Variants in SDK1 observed in about 807,000 individuals in gnomAD.
SDK1 encodes the protein sidekick cell adhesion molecule 1.
A neutral mutation model predicts 245.5 loss-of-function variants in SDK1; 157 were observed. The observed-to-expected ratio is 0.64, with a 90% CI of 0.56 to 0.73. The LOEUF (loss-of-function observed/expected upper bound fraction) is 0.73. SDK1 is among the 30% of genes least tolerant of loss of function. The pLI, the probability that SDK1 is intolerant of heterozygous loss-of-function variation, is 0.00. For synonymous variants in SDK1, 1,647 were observed against 1,278.5 expected (o/e 1.29, Z -6.15); for missense variants, 3,583 against 3,002.3 (o/e 1.19, Z -4.52).
chr7:4,193,014 A>G (rs1783299152), intron 35 of SDK1, among the ~76,000 whole-genome samples: 1 of 144,226 alleles, frequency 6.9e-6, no homozygotes, highest in South Asian at 2.1e-4. Flanking sequence ...TATAATATAT[A>G]AAAATATATA....
intron 17 of SDK1, among the ~76,000 whole-genome samples, chr7:4,043,364 G>T (rs1788784450): frequency 6.6e-6 from 1 of 151,010 alleles, no homozygotes; most frequent in Non-Finnish European, 1.5e-5. Flanking sequence ...AGGGACCCAG[G>T]CAGAGTGAGT....
chr7:4,176,465 A>G (rs1324866151), intron 34 of SDK1, among the ~76,000 whole-genome samples: 3 of 152,134 alleles, frequency 2.0e-5, no homozygotes, highest in African/African-American at 4.8e-5. Flanking sequence ...CACTGCACCC[A>G]GCCTTTCTTT....
At chr7:3,883,500 C>A (rs1781256908) in intron 5 of SDK1, among the ~76,000 whole-genome samples, 1 of 152,270 alleles carries the variant, frequency 6.6e-6, no homozygotes, top group Non-Finnish European at 1.5e-5. Flanking sequence ...CCTAAAAAAT[C>A]ACGTCGTTGC....
At chr7:4,079,260 C>T (rs111977841) in intron 21 of SDK1, among the ~76,000 whole-genome samples, 48 of 152,350 alleles carry the variant, frequency 3.2e-4, no homozygotes, top group African/African-American at 1.0e-3. Flanking sequence ...CCCACTGGGT[C>T]ACCCCATTAA....
chr7:4,093,226 G>A (rs767766407), intron 22 of SDK1, among the ~76,000 whole-genome samples: 7 of 151,954 alleles, frequency 4.6e-5, no homozygotes, highest in Non-Finnish European at 8.8e-5. Flanking sequence ...TTTTTATGGT[G>A]CACCATAAAA....
chr7:4,159,042 C>T (rs554528680), intron 31 of SDK1, among the ~76,000 whole-genome samples: 11 of 152,286 alleles, frequency 7.2e-5, no homozygotes, highest in Admixed American at 2.0e-4. Context: ...TGTGGCGAGC[C>T]CAGGAGGCAG....
chr7:3,854,960 C>T, intron 5 of SDK1, among the ~76,000 whole-genome samples: 1 of 152,204 alleles, frequency 6.6e-6, no homozygotes, highest in African/African-American at 2.4e-5. Flanking sequence ...TGCAGGGTGG[C>T]TCAGTGAACT....
intron 1 of SDK1, among the ~76,000 whole-genome samples, chr7:3,468,725 T>G (rs564156139): frequency 6.6e-6 from 1 of 152,292 alleles, no homozygotes; most frequent in Admixed American, 6.5e-5. Context: ...TCGTACTGTC[T>G]CTGTTCAATA....
intron 14 of SDK1, among the ~76,000 whole-genome samples, chr7:4,007,333 G>C (rs1026823354): frequency 6.6e-6 from 1 of 152,154 alleles, no homozygotes; most frequent in Non-Finnish European, 1.5e-5. Context: ...ATTATGTAGG[G>C]TGGCTGCTTG....
chr7:3,411,240 G>A (rs1583818393), intron 1 of SDK1, among the ~76,000 whole-genome samples: 1 of 152,238 alleles, frequency 6.6e-6, no homozygotes, highest in Non-Finnish European at 1.5e-5. Context: ...GGACAAAAGC[G>A]CTTCCAAAAG....
intron 19 of SDK1, among the ~76,000 whole-genome samples, chr7:4,057,484 G>T (rs931147349): frequency 5.3e-5 from 8 of 152,140 alleles, no homozygotes; most frequent in African/African-American, 1.7e-4. Context: ...GACTGCTAAG[G>T]AGCCAGGGGA....
intron 1 of SDK1, among the ~76,000 whole-genome samples, chr7:3,359,678 T>G (rs1385836210): frequency 6.6e-6 from 1 of 152,096 alleles, no homozygotes; most frequent in Non-Finnish European, 1.5e-5. Context: ...GGCTCCCGGG[T>G]GGCGCGCTGT....
chr7:3,879,839 T>C (rs188825509), intron 5 of SDK1, among the ~76,000 whole-genome samples: 16 of 152,294 alleles, frequency 1.1e-4, no homozygotes, highest in Admixed American at 3.3e-4. Flanking sequence ...GCATGCATAA[T>C]TAACCTTTGC....
chr7:3,640,097 T>C (rs1419212639), intron 3 of SDK1, among the ~76,000 whole-genome samples: 1 of 128,364 alleles, frequency 7.8e-6, no homozygotes, highest in African/African-American at 3.5e-5. Context: ...CCTCAAGTGA[T>C]CCTCCTGCTC....
chr7:4,056,233 A>G (rs1188055098), intron 19 of SDK1, among the ~76,000 whole-genome samples: 1 of 151,734 alleles, frequency 6.6e-6, no homozygotes, highest in Non-Finnish European at 1.5e-5. Flanking sequence ...TTAGGATAAT[A>G]ACACATCTTT....
At chr7:4,208,415 GAGTTTCTGGATGGGCAGGA>G (rs1784351227) in intron 37 of SDK1, 130 bp downstream of exon 37, 2 of 783,858 alleles carry the variant, frequency 2.6e-6, no homozygotes, top group South Asian at 3.3e-5. Context: ...GAGTAGCTGG[GAGTTTCTGGATGGGCAGGA>G]CTGGGTTTGG....
At chr7:3,736,557 C>A (rs1053738231) in intron 4 of SDK1, among the ~76,000 whole-genome samples, 4 of 152,194 alleles carry the variant, frequency 2.6e-5, no homozygotes, top group Admixed American at 2.6e-4. Flanking sequence ...CAGGCGTGAG[C>A]CACCATGCCC....
At chr7:4,092,191 T>C (rs1781851138) in intron 22 of SDK1, among the ~76,000 whole-genome samples, 1 of 152,342 alleles carries the variant, frequency 6.6e-6, no homozygotes, top group South Asian at 2.1e-4. Flanking sequence ...AACATGGTGT[T>C]ACATTGACTT....
At chr7:3,402,721 G>A (rs1167898488) in intron 1 of SDK1, among the ~76,000 whole-genome samples, 1 of 152,048 alleles carries the variant, frequency 6.6e-6, no homozygotes, top group African/African-American at 2.4e-5. Flanking sequence ...AGTTATTTGT[G>A]TAGCTTAAAA....
Sources: gnomAD v4.1 joint callset for allele counts (sites outside exome capture counted in the v4.1 genomes callset) on GRCh38, gnomAD v4.1.1 for gene constraint, MANE v1.5 for transcripts, NCBI Gene and HGNC (gene_info 2026-07-23, HGNC 2026-07-21) for gene names.